PDILT: variants seen among roughly 807,000 people sequenced by gnomAD.
PDILT encodes protein disulfide-isomerase-like protein of the testis.
A neutral mutation model predicts 53.7 loss-of-function variants in PDILT; 43 were observed. That is an observed-to-expected ratio of 0.80 (90% CI 0.63 to 1.03). The LOEUF (loss-of-function observed/expected upper bound fraction) is 1.03, where lower values mean the gene tolerates loss of function less well. Ranked by LOEUF, PDILT falls within the 50% of genes least tolerant of loss-of-function variation. The probability of loss-of-function intolerance (pLI) is 0.00; values close to 1 mark genes in which losing one functional copy is unlikely to be tolerated. For missense variants in PDILT, 727 were observed against 712.3 expected (o/e 1.02, Z -0.24); for synonymous variants, 282 against 274.2 (o/e 1.03, Z -0.28).
At chr16:20,383,566 T>G (rs1344620845) in intron 3 of PDILT, among the ~76,000 whole-genome samples, 6 of 152,014 alleles carry the variant, frequency 3.9e-5, no homozygotes, top group Admixed American at 2.0e-4. Context: ...TCTGGGTCTA[T>G]CCTGTGTCTT....
rs758009577 is a variant in PDILT at position 20,376,063 on chromosome 16, AG to A, written c.543+4del. On this transcript the variant is annotated splice_donor_region_variant and intron_variant, in intron 4 of 11. Coordinates refer to ENST00000302451, the MANE Select transcript of PDILT (RefSeq NM_174924.2). ...AAGCCTCCTCCCACCTCTTGGTCCC[AG>A]TACCTGGAAGAAGCCAACGATGACC... is the stretch of plus-strand genomic sequence containing the variant. The A allele has an allele frequency of 5.6e-6, 9 of 1,613,936 alleles. No homozygotes were observed. Among genetic ancestry groups the A allele is most frequent in the Non-Finnish European group, 7.6e-6 (9 of 1,179,996 alleles).
chr16:20,365,101 C>T (rs993058515), intron 9 of PDILT, among the ~76,000 whole-genome samples: 3 of 152,236 alleles, frequency 2.0e-5, no homozygotes, highest in Admixed American at 6.5e-5. Context: ...ATAATGTATG[C>T]AATGGCTTAG....
chr16:20,363,100 G>GAAAGAA (rs1389652036), intron 9 of PDILT, among the ~76,000 whole-genome samples: 5 of 139,288 alleles, frequency 3.6e-5, no homozygotes, highest in African/African-American at 7.9e-5. Context: ...AAGGAAGAAA[G>GAAAGAA]AAAGAAAAAG....
In PDILT at chr16:20,383,997, T is replaced by C. The variant is rs78200676; in HGVS notation, c.409+648A>G. On this transcript the variant is annotated intron_variant, in intron 3 of 11. Transcript: ENST00000302451. ...ATAAATGAATGAACGAGTTAATCAATGAATGAAAAATATGATAGAACGTAA... is the reference window on the plus strand; with the variant it reads ...ATAAATGAATGAACGAGTTAATCAACGAATGAAAAATATGATAGAACGTAA... 7.8e-3 allele frequency among the ~76,000 whole-genome samples: 1,195 copies of C among 152,356 alleles called. 16 individuals carry two copies. Among genetic ancestry groups the C allele is most frequent in the African/African-American group, 0.027 (1,113 of 41,584 alleles).
At chr16:20,375,476 T>C (rs1410397008) in intron 4 of PDILT, among the ~76,000 whole-genome samples, 3 of 152,174 alleles carry the variant, frequency 2.0e-5, no homozygotes, top group Admixed American at 6.5e-5. Flanking sequence ...CACCAACTTA[T>C]AGCAAAAGAA....
chr16:20,367,569 C>A (rs1360315831), intron 8 of PDILT, among the ~76,000 whole-genome samples: 1 of 152,046 alleles, frequency 6.6e-6, no homozygotes, highest in African/African-American at 2.4e-5. Context: ...TTGGCCTTTG[C>A]GAGGGAGACG....
In PDILT at chr16:20,373,113, C is replaced by T. The variant is rs889704321; in HGVS notation, c.691G>A (p.Val231Met). The T allele has an allele frequency of 6.2e-7, 1 of 1,613,802 alleles. No homozygotes were observed. The highest frequency in any genetic ancestry group is 1.1e-5 in the South Asian group (1 of 91,056). Residue 231 changes from valine (V) to methionine (M), a missense_variant, in exon 6 of 12, where the codon GTG (valine) becomes ATG (methionine). Val to Met is a conservative substitution (Grantham distance 21, BLOSUM62 1). Coordinates refer to ENST00000302451, the MANE Select transcript of PDILT (RefSeq NM_174924.2). Reference sequence around the variant, plus strand: ...TCATTAATAAGCTTTTGGCGGTTCACAATTTTTCCCTTGTACAAAAGGAGA... The same window carrying T: ...TCATTAATAAGCTTTTGGCGGTTCATAATTTTTCCCTTGTACAAAAGGAGA... The part of the protein sequence containing the change: ...SVLVFKKGKI[V>M]NRQKLINDST...
chr16:20,367,009 TTTCTCTCTCTCTTTC>T (rs1966208277), intron 8 of PDILT, among the ~76,000 whole-genome samples: 2 of 147,432 alleles, frequency 1.4e-5, no homozygotes, highest in South Asian at 2.2e-4. Flanking sequence ...TCTTTATTTA[TTTCTCTCTCTCTTTC>T]TTCTTTCTTT....
chr16:20,380,085 A>T (rs1216398718), intron 3 of PDILT, among the ~76,000 whole-genome samples: 2 of 152,206 alleles, frequency 1.3e-5, no homozygotes, highest in African/African-American at 4.8e-5. Flanking sequence ...TTTAAATTTC[A>T]GGTCATCAGA....
chr16:20,396,385 T>A (rs1279066927), intron 2 of PDILT, among the ~76,000 whole-genome samples: 1 of 152,256 alleles, frequency 6.6e-6, no homozygotes, highest in East Asian at 1.9e-4. Flanking sequence ...TAGAACTTAC[T>A]AATGCTTGGC....
rs1216740280 is a variant in PDILT, at chr16:20,404,492, A to G, written c.-8+4T>C. 6.6e-6 allele frequency: 1 copy of G among 152,240 alleles called. No homozygotes were observed. Among genetic ancestry groups the G allele is most frequent in the Non-Finnish European group, 1.5e-5 (1 of 68,100 alleles). The allele number at this position is 152,240 out of a possible 1,614,324, so 9.4% of individuals were successfully genotyped here. A position where few individuals can be genotyped will look rare whatever the true frequency, so the allele number is the denominator to read the frequency against. ...AGATTTCCCATTTTCACTGAAGCTCATACCTGCAGGAAGCCAAGGCCACTC... is the reference window on the plus strand; with the variant it reads ...AGATTTCCCATTTTCACTGAAGCTCGTACCTGCAGGAAGCCAAGGCCACTC... On this transcript the variant is annotated splice_donor_region_variant and intron_variant, in intron 1 of 11. Coordinates refer to ENST00000302451, the MANE Select transcript of PDILT (RefSeq NM_174924.2).
At chr16:20,368,673 T>C (rs1026812436) in intron 8 of PDILT, among the ~76,000 whole-genome samples, 12 of 152,100 alleles carry the variant, frequency 7.9e-5, no homozygotes, top group African/African-American at 2.7e-4. Flanking sequence ...CGTAGCTCAC[T>C]GTAGCCTTGA....
chr16:20,389,883 C>T (rs1206129571), intron 2 of PDILT, among the ~76,000 whole-genome samples: 1 of 151,960 alleles, frequency 6.6e-6, no homozygotes, highest in African/African-American at 2.4e-5. Context: ...CAATGTCGGA[C>T]GTTTTGCAAG....
intron 3 of PDILT, among the ~76,000 whole-genome samples, chr16:20,377,996 A>C (rs1423881042): frequency 6.6e-6 from 1 of 151,928 alleles, no homozygotes. Flanking sequence ...AATGCTCTGG[A>C]GTTAACTAGG....
intron 3 of PDILT, among the ~76,000 whole-genome samples, chr16:20,379,815 G>A (rs1272412950): frequency 2.0e-5 from 3 of 152,178 alleles, no homozygotes; most frequent in Admixed American, 6.5e-5. Flanking sequence ...GGCTTCAAGA[G>A]AAGAGAGAAG....
intron 2 of PDILT, among the ~76,000 whole-genome samples, chr16:20,390,121 C>T (rs754278885): frequency 6.6e-6 from 1 of 152,136 alleles, no homozygotes; most frequent in Non-Finnish European, 1.5e-5. Flanking sequence ...TAACCCTCTG[C>T]CCATTCCATA....
At chr16:20,384,208 A>G (rs768830308) in intron 3 of PDILT, among the ~76,000 whole-genome samples, 18 of 151,762 alleles carry the variant, frequency 1.2e-4, no homozygotes, top group Non-Finnish European at 2.2e-4. Flanking sequence ...CATGCACCCC[A>G]CCCTCCCACT....
In PDILT at chr16:20,362,474, G is replaced by A; in HGVS notation, c.1346C>T (p.Ala449Val). 6.2e-7 allele frequency: 1 copy of A among 1,614,188 alleles called. No homozygotes were observed. The highest frequency in any genetic ancestry group is 8.5e-7 in the Non-Finnish European group (1 of 1,180,026). Reference protein sequence around the residue: ...TIIIAKIDVTANDIQLMYLDR... With the variant: ...TIIIAKIDVTVNDIQLMYLDR... Reference sequence around the variant, plus strand: ...CAGGTACATCAGCTGAATGTCATTTGCTGTGACATCGATCTTGGCAATGAT... The same window carrying A: ...CAGGTACATCAGCTGAATGTCATTTACTGTGACATCGATCTTGGCAATGAT... Residue 449 changes from alanine (A) to valine (V), a missense_variant, in exon 10 of 12, where the codon GCA becomes GTA. Ala to Val is a moderately conservative substitution (Grantham distance 64). Coordinates refer to ENST00000302451, the MANE Select transcript of PDILT (RefSeq NM_174924.2).
intron 1 of PDILT, among the ~76,000 whole-genome samples, chr16:20,402,453 C>T (rs983061354): frequency 1.3e-5 from 2 of 152,326 alleles, no homozygotes; most frequent in South Asian, 2.1e-4. Flanking sequence ...CGCGTGCCAT[C>T]ATGCCCGGCT....
Sources: gnomAD v4.1 joint callset for allele counts (sites outside exome capture counted in the v4.1 genomes callset) on GRCh38, gnomAD v4.1.1 for gene constraint, MANE v1.5 for transcripts, NCBI Gene and HGNC (gene_info 2026-07-23, HGNC 2026-07-21) for gene names.